UBXN10: variants seen among roughly 807,000 people sequenced by gnomAD.
UBXN10 encodes the protein UBX domain-containing protein 10.
A neutral mutation model predicts 6.9 loss-of-function variants in UBXN10; 6 were observed. That is an observed-to-expected ratio of 0.87 (90% confidence interval 0.48 to 1.72). The LOEUF (loss-of-function observed/expected upper bound fraction) is 1.72, where lower values mean the gene tolerates loss of function less well. Among genes scored for constraint, UBXN10 ranks in the 40% most tolerant of loss-of-function variants. The pLI is 0.01. For missense variants in UBXN10, 317 were observed against 348.4 expected (o/e 0.91, Z 0.72); for synonymous variants, 131 against 135.2 (o/e 0.97, Z 0.21).
Position 20,187,258 on chromosome 1 carries a change from T to TG in UBXN10, c.-16+1106dup, listed in dbSNP as rs2018415947. ...TAGCAGGCCGCTGGGGTGCAGCTAT[T>TG]GTGTTTAAGTAAACAGGCCACTCGC... is the stretch of plus-strand genomic sequence containing the variant. On this transcript the variant is annotated intron_variant, in intron 1 of 1. Coordinates refer to ENST00000375099, the MANE Select transcript of UBXN10 (RefSeq NM_152376.5). The surrounding 1 kb of genome is among the most constrained non-coding windows in gnomAD (Gnocchi z 4.6). Among the ~76,000 whole-genome samples, 1 of 152,232 alleles carries TG rather than the reference T, an allele frequency of 6.6e-6. No individual in the cohort carries two copies. The highest frequency in any genetic ancestry group is 2.1e-4 in the South Asian group (1 of 4,834).
Position 20,192,101 on chromosome 1 carries a change from C to A in UBXN10, c.*697C>A, listed in dbSNP as rs1237879282. The A allele has an allele frequency of 6.0e-6, 1 of 167,060 alleles. No homozygotes were observed. The highest frequency in any genetic ancestry group is 2.4e-5 in the African/African-American group (1 of 41,442). The allele number at this position is 167,060 out of a possible 1,614,324, so 10.3% of individuals were successfully genotyped here. ...CCCAGTAGCTACTTTTTAATAGAGA[C>A]TGACTAGGTTTACAACTTCTGGGAG... On this transcript the variant is annotated 3_prime_UTR_variant, in exon 2 of 2. Coordinates refer to ENST00000375099, the MANE Select transcript of UBXN10 (RefSeq NM_152376.5).
At position 20,187,194 on chromosome 1, in the gene UBXN10, C is replaced by T. The variant is rs1425957523; in HGVS notation, c.-16+1041C>T. ...GAATGGGCACCTGCCCTTCTGGCAA[C>T]TTCTTGGAAACAGTTGGCAGTGTTT... On this transcript the variant is annotated intron_variant, in intron 1 of 1. Transcript: ENST00000375099. The surrounding 1 kb of genome is among the most constrained non-coding windows in gnomAD (Gnocchi z 4.6). 1.3e-5 allele frequency among the ~76,000 whole-genome samples: 2 copies of T among 152,194 alleles called. No homozygotes were observed. Among genetic ancestry groups the T allele is most frequent in the Admixed American group, 6.5e-5 (1 of 15,286 alleles).
intron 1 of UBXN10, among the ~76,000 whole-genome samples, chr1:20,188,548 T>A (rs548122906): frequency 1.3e-5 from 2 of 152,234 alleles, no homozygotes; most frequent in African/African-American, 4.8e-5. Context: ...TCAGATTACA[T>A]TGTTCAAGAT....
intron 1 of UBXN10, among the ~76,000 whole-genome samples, chr1:20,188,027 G>T (rs566070613): frequency 6.6e-6 from 1 of 152,302 alleles, no homozygotes; most frequent in East Asian, 1.9e-4. Flanking sequence ...GGCCGAGAGG[G>T]GCGTGGGTTT....
At position 20,194,804 on chromosome 1, in the gene UBXN10, G is replaced by A. The variant is rs2018573699; in HGVS notation, c.*3400G>A. 1 of 167,024 alleles carries A rather than the reference G, an allele frequency of 6.0e-6. No homozygotes were observed. The highest frequency in any genetic ancestry group is 6.5e-5 in the Admixed American group (1 of 15,278). 10.3% of individuals were successfully genotyped at this position (167,024 alleles called of 1,614,324 possible). On this transcript the variant is annotated 3_prime_UTR_variant, in exon 2 of 2. Transcript: ENST00000375099. ...GGATCTACTTTTCTACCTTTTAAACGGAATAAAGAAGACAGCTATATTATT... is the reference window on the plus strand; with the variant it reads ...GGATCTACTTTTCTACCTTTTAAACAGAATAAAGAAGACAGCTATATTATT...
rs772188021 is a variant in UBXN10 at position 20,190,872 on chromosome 1, C to G, written c.311C>G (p.Pro104Arg). The G allele has an allele frequency of 2.5e-6, 4 of 1,614,068 alleles. No homozygotes were observed. In the Admixed American group the frequency reaches 6.7e-5, roughly 27 times the overall value. Residue 104 changes from proline (P) to arginine (R), a missense_variant, in exon 2 of 2, where the codon CCC becomes CGC. By Grantham distance (103) the Pro-to-Arg change is moderately radical. Transcript: ENST00000375099. ...ATCCCTGAGCTGCAGCAGCAAGTAC[C>G]CACTGGGGCTTCCTCTTCTCTCAAT... ...DEIPELQQQV[P>R]TGASSSLNKY...
upstream of UBXN10, among the ~76,000 whole-genome samples, chr1:20,183,443 T>A (rs1473570219): frequency 2.0e-5 from 3 of 152,182 alleles, no homozygotes; most frequent in African/African-American, 2.4e-5. Context: ...TGGAAACTGC[T>A]GGATGCAGGT....
rs1182367934 is a variant in UBXN10 at position 20,194,838 on chromosome 1, G to A, written c.*3434G>A. On this transcript the variant is annotated 3_prime_UTR_variant, in exon 2 of 2. Coordinates refer to ENST00000375099, the MANE Select transcript of UBXN10 (RefSeq NM_152376.5). The stretch of plus-strand genomic sequence containing the variant: ...AAGACAGCTATATTATTTTGCTTTA[G>A]CATTAGTTTAGAAGTCATTCCAAGA... The A allele has an allele frequency of 6.0e-6, 1 of 167,076 alleles. No homozygotes were observed. Among genetic ancestry groups the A allele is most frequent in the Non-Finnish European group, 1.5e-5 (1 of 68,124 alleles). The allele number at this position is 167,076 out of a possible 1,614,324, so 10.3% of individuals were successfully genotyped here.
In UBXN10 at chr1:20,191,641, G is replaced by T. The variant is rs545216575; in HGVS notation, c.*237G>T. 3.0e-5 allele frequency: 16 copies of T among 527,818 alleles called. No homozygotes were observed. The highest frequency in any genetic ancestry group is 4.9e-5 in the Non-Finnish European group (15 of 304,566). 32.7% of individuals were successfully genotyped at this position (527,818 alleles called of 1,614,324 possible). A position where few individuals can be genotyped will look rare whatever the true frequency, so the allele number is the denominator to read the frequency against. On this transcript the variant is annotated 3_prime_UTR_variant, in exon 2 of 2. Coordinates refer to ENST00000375099, the MANE Select transcript of UBXN10 (RefSeq NM_152376.5). This position sits in a 1 kb window ranked among gnomAD's most constrained non-coding sequence, Gnocchi z 4.5. Reference sequence around the variant, plus strand: ...TCTCCACCACCAGCGTAACTGGCAAGTTACCAAGGTTGTTCCTGAAACAGC... The same window carrying T: ...TCTCCACCACCAGCGTAACTGGCAATTTACCAAGGTTGTTCCTGAAACAGC...
chr1:20,194,265 C>T lies in UBXN10; in HGVS notation c.*2861C>T, dbSNP rs1439836212. 2 of 167,064 alleles carry T rather than the reference C, an allele frequency of 1.2e-5. No homozygotes were observed. The highest frequency in any genetic ancestry group is 2.9e-5 in the Non-Finnish European group (2 of 68,124). 10.3% of individuals were successfully genotyped at this position (167,064 alleles called of 1,614,324 possible). On this transcript the variant is annotated 3_prime_UTR_variant, in exon 2 of 2. Transcript: ENST00000375099. ...GATAGGTTACTCTAGTATATTCCCT[C>T]ATAAAGTCCAATAGGTAAATTAGTC... is the stretch of plus-strand genomic sequence containing the variant.
At chr1:20,190,427 G>A (rs1356598085) in intron 1 of UBXN10, 120 bp from the exon 2 acceptor site, 1 of 1,278,238 alleles carries the variant, frequency 7.8e-7, no homozygotes, top group African/African-American at 1.5e-5. Flanking sequence ...TGCAGCTGGT[G>A]CCCCTTACTA....
rs1036164865 is a variant in UBXN10 at position 20,192,193 on chromosome 1, G to C, written c.*789G>C. On this transcript the variant is annotated 3_prime_UTR_variant, in exon 2 of 2. Transcript: ENST00000375099. ...GTGCAGTCTGATTTCTTTTGCTTTTGTCAGTAATGGAATCTTTTGTTTTTA... is the reference window on the plus strand; with the variant it reads ...GTGCAGTCTGATTTCTTTTGCTTTTCTCAGTAATGGAATCTTTTGTTTTTA... 6.0e-6 allele frequency: 1 copy of C among 167,040 alleles called. No homozygotes were observed. The highest frequency in any genetic ancestry group is 1.5e-5 in the Non-Finnish European group (1 of 68,100). 10.3% of individuals were successfully genotyped at this position (167,040 alleles called of 1,614,324 possible). A position where few individuals can be genotyped will look rare whatever the true frequency, so the allele number is the denominator to read the frequency against.
chr1:20,184,953 A>G (rs1253466894), upstream of UBXN10, among the ~76,000 whole-genome samples: 1 of 152,118 alleles, frequency 6.6e-6, no homozygotes, highest in African/African-American at 2.4e-5. Context: ...CAAGACTTCA[A>G]GACCACCCTC....
chr1:20,191,522 T>G lies in UBXN10; in HGVS notation c.*118T>G. Reference sequence around the variant, plus strand: ...GTGGACCTGGTGCAGCTGGGAAGCTTGGGACTCTCGTCTGCACTGCGTGTC... The same window carrying G: ...GTGGACCTGGTGCAGCTGGGAAGCTGGGGACTCTCGTCTGCACTGCGTGTC... On this transcript the variant is annotated 3_prime_UTR_variant, in exon 2 of 2. Coordinates refer to ENST00000375099, the MANE Select transcript of UBXN10 (RefSeq NM_152376.5). The surrounding 1 kb of genome is among the most constrained non-coding windows in gnomAD (Gnocchi z 4.5). 6.7e-7 allele frequency: 1 copy of G among 1,482,566 alleles called. No individual in the cohort carries two copies. The highest frequency in any genetic ancestry group is 9.0e-7 in the Non-Finnish European group (1 of 1,106,602). The allele number at this position is 1,482,566 out of a possible 1,614,324, so 91.8% of individuals were successfully genotyped here.
At chr1:20,189,091 G>C (rs1271627714) in intron 1 of UBXN10, among the ~76,000 whole-genome samples, 1 of 152,082 alleles carries the variant, frequency 6.6e-6, no homozygotes, top group Non-Finnish European at 1.5e-5. Flanking sequence ...GTGCCAGAAA[G>C]GTAGAGTGAT....
rs944763463 is a variant in UBXN10 at position 20,192,663 on chromosome 1, G to A, written c.*1259G>A. 1.3e-4 allele frequency: 22 copies of A among 167,032 alleles called. No homozygotes were observed. The highest frequency in any genetic ancestry group is 6.5e-5 in the Admixed American group (1 of 15,280). 10.3% of individuals were successfully genotyped at this position (167,032 alleles called of 1,614,324 possible). A position where few individuals can be genotyped will look rare whatever the true frequency, so the allele number is the denominator to read the frequency against. The stretch of plus-strand genomic sequence containing the variant: ...AGAGTAGGGAACACTCAGACATTCT[G>A]TGCATGTTGTTCCCCCAAAGCATGG... On this transcript the variant is annotated 3_prime_UTR_variant, in exon 2 of 2. Transcript: ENST00000375099.
At chr1:20,190,423 T>C (rs1338146840) in intron 1 of UBXN10, 124 bp from the exon 2 acceptor site, 3 of 1,238,144 alleles carry the variant, frequency 2.4e-6, no homozygotes, top group African/African-American at 1.5e-5. Context: ...AAATTGCAGC[T>C]GGTGCCCCTT....
chr1:20,190,820 T>A lies in UBXN10; in HGVS notation c.259T>A (p.Ser87Thr). 6.2e-7 allele frequency: 1 copy of A among 1,613,730 alleles called. No individual in the cohort carries two copies. The highest frequency in any genetic ancestry group is 8.5e-7 in the Non-Finnish European group (1 of 1,180,008). The change falls in exon 2 of 2, where the codon TCT becomes ACT. Residue 87 changes from serine to threonine, a missense_variant. Physicochemically the swap from Ser to Thr is moderately conservative, Grantham distance 58 (BLOSUM62 1). Coordinates refer to ENST00000375099, the MANE Select transcript of UBXN10 (RefSeq NM_152376.5). ...AAAACCAGGAGCCTGTGCACCCAAATCTCCAAACCAGGGAGCTTCTGATGA... is the reference window on the plus strand; with the variant it reads ...AAAACCAGGAGCCTGTGCACCCAAAACTCCAAACCAGGGAGCTTCTGATGA... ...SQKPGACAPKSPNQGASDEIP... is the reference protein window; with the variant it reads ...SQKPGACAPKTPNQGASDEIP...
At chr1:20,189,170 G>A (rs1557793095) in intron 1 of UBXN10, among the ~76,000 whole-genome samples, 2 of 152,042 alleles carry the variant, frequency 1.3e-5, no homozygotes, top group Non-Finnish European at 2.9e-5. Context: ...GTGACACCTG[G>A]TCCTCTGTCC....
Sources: gnomAD v4.1 joint callset for allele counts (sites outside exome capture counted in the v4.1 genomes callset) on GRCh38, gnomAD v4.1.1 for gene constraint, Gnocchi (gnomAD v3.1) non-coding constraint, MANE v1.5 for transcripts, NCBI Gene and HGNC (gene_info 2026-07-23, HGNC 2026-07-21) for gene names.